The following RGPD2 variants were observed in gnomAD, a reference collection of about 807,000 sequenced individuals.
RGPD2 encodes RANBP2 like and GRIP domain containing 2.
RGPD2 carries 2 observed loss-of-function variants against 36.0 expected under a neutral mutation model. The observed-to-expected ratio is 0.06, with a 90% CI of 0.02 to 0.17. The LOEUF (loss-of-function observed/expected upper bound fraction) is 0.17. Ranked by LOEUF, RGPD2 falls within the 10% of genes least tolerant of loss-of-function variation. The pLI, the probability that RGPD2 is intolerant of heterozygous loss-of-function variation, is 1.00. For missense variants in RGPD2, 40 were observed against 464.3 expected, an observed-to-expected ratio of 0.09 and a Z score of 8.40; for synonymous variants, 19 against 163.8, an observed-to-expected ratio of 0.12 and a Z score of 6.75.
chr2:87,925,863 C>T, the RGPD2 span, among the ~76,000 whole-genome samples: 4 of 127,528 alleles, frequency 3.1e-5, no homozygotes, highest in East Asian at 2.4e-4. Flanking sequence ...GTTTTTTTTT[C>T]TTGTAAATAT....
At chr2:87,970,244 ACCT>A in the RGPD2 span, among the ~76,000 whole-genome samples, 2 of 151,970 alleles carry the variant, frequency 1.3e-5, no homozygotes, top group Non-Finnish European at 2.9e-5. Context: ...GAGGAGGAAA[ACCT>A]CCAAAAGTTC....
At chr2:87,878,187 T>G in the RGPD2 span, among the ~76,000 whole-genome samples, 2 of 152,274 alleles carry the variant, frequency 1.3e-5, no homozygotes, top group African/African-American at 4.8e-5. Flanking sequence ...TTGGTCTCTT[T>G]ACATAACCCC....
At chr2:87,987,938 T>A in the RGPD2 span, among the ~76,000 whole-genome samples, 1 of 130,428 alleles carries the variant, frequency 7.7e-6, no homozygotes, top group African/African-American at 2.8e-5. Context: ...TTTTATATAT[T>A]TTGCTTAGGC....
the RGPD2 span, among the ~76,000 whole-genome samples, chr2:87,961,395 C>G: frequency 5.3e-5 from 8 of 151,782 alleles, no homozygotes; most frequent in Non-Finnish European, 7.4e-5. Flanking sequence ...TTGGCAGCAC[C>G]CTGTGCTCTG....
chr2:87,827,505 G>A (rs534184060), upstream of RGPD2, among the ~76,000 whole-genome samples: 1 of 138,092 alleles, frequency 7.2e-6, no homozygotes, highest in Non-Finnish European at 1.6e-5. Context: ...TAGGGTTACT[G>A]AGAAATTAAA....
chr2:87,878,978 C>T, the RGPD2 span, among the ~76,000 whole-genome samples: 2 of 152,036 alleles, frequency 1.3e-5, no homozygotes, highest in Non-Finnish European at 2.9e-5. Context: ...TTAAAATGCC[C>T]ATAGTTGGAC....
chr2:87,897,008 A>G, the RGPD2 span, among the ~76,000 whole-genome samples: 2 of 152,286 alleles, frequency 1.3e-5, no homozygotes, highest in Non-Finnish European at 2.9e-5. Flanking sequence ...TTGTGCATTT[A>G]CAAAACACAA....
the RGPD2 span, among the ~76,000 whole-genome samples, chr2:87,915,556 G>GTA: frequency 1.1e-4 from 15 of 140,014 alleles, no homozygotes; most frequent in East Asian, 2.7e-3. Context: ...ATGTGTATGT[G>GTA]TATATATATA....
the RGPD2 span, among the ~76,000 whole-genome samples, chr2:87,864,069 T>C: frequency 6.6e-6 from 1 of 152,056 alleles, no homozygotes; most frequent in Non-Finnish European, 1.5e-5. Flanking sequence ...ATTTAATGTG[T>C]TGACCTGGAC....
the RGPD2 span, among the ~76,000 whole-genome samples, chr2:87,873,072 A>G: frequency 3.3e-5 from 5 of 152,244 alleles, no homozygotes; most frequent in South Asian, 2.1e-4. Flanking sequence ...GCTCCCACTT[A>G]TAAGTGAGAA....
intron 1 of RGPD2, among the ~76,000 whole-genome samples, chr2:87,824,729 CCG>C (rs1686559096): frequency 5.1e-5 from 6 of 117,604 alleles, no homozygotes; most frequent in Non-Finnish European, 4.0e-5. Flanking sequence ...CCGCCGCCGC[CCG>C]GCCAGGCCGA....
At chr2:87,974,788 T>C in the RGPD2 span, among the ~76,000 whole-genome samples, 2 of 152,326 alleles carry the variant, frequency 1.3e-5, no homozygotes, top group African/African-American at 4.8e-5. Flanking sequence ...ATCCTACTGG[T>C]TCTAACACCA....
chr2:87,921,054 CACTCCCTAATGGG>C, the RGPD2 span, among the ~76,000 whole-genome samples: 1 of 150,092 alleles, frequency 6.7e-6, no homozygotes, highest in Admixed American at 6.7e-5. Context: ...GTTAGAAAGC[CACTCCCTAATGGG>C]ACAATGTGCC....
the RGPD2 span, among the ~76,000 whole-genome samples, chr2:87,841,552 G>T: frequency 6.6e-6 from 1 of 152,096 alleles, no homozygotes; most frequent in Non-Finnish European, 1.5e-5. Flanking sequence ...TCTATTCAGA[G>T]AGTCAACTTC....
chr2:87,917,878 T>C, the RGPD2 span, among the ~76,000 whole-genome samples: 1 of 124,444 alleles, frequency 8.0e-6, no homozygotes, highest in Non-Finnish European at 1.7e-5. Context: ...TCCTGTGGTA[T>C]TGAACATAAA....
chr2:87,871,639 G>A, the RGPD2 span, among the ~76,000 whole-genome samples: 1 of 152,004 alleles, frequency 6.6e-6, no homozygotes, highest in African/African-American at 2.4e-5. Flanking sequence ...GCCAAAGTGG[G>A]CAGATTACCC....
At chr2:87,833,044 C>T in the RGPD2 span, among the ~76,000 whole-genome samples, 45 of 152,040 alleles carry the variant, frequency 3.0e-4, no homozygotes, top group East Asian at 2.9e-3. Flanking sequence ...TAATGATCAA[C>T]GCAACTAGTC....
chr2:87,966,218 C>A, the RGPD2 span, among the ~76,000 whole-genome samples: 1 of 152,226 alleles, frequency 6.6e-6, no homozygotes, highest in East Asian at 1.9e-4. Context: ...GTCTCCAGAG[C>A]TGTATATGCC....
At chr2:87,864,598 A>AT in the RGPD2 span, among the ~76,000 whole-genome samples, 1 of 152,090 alleles carries the variant, frequency 6.6e-6, no homozygotes, top group Non-Finnish European at 1.5e-5. Context: ...AGATAGATAG[A>AT]TAGATAGATA....
Sources: allele counts gnomAD v4.1 joint callset (sites outside exome capture counted in the v4.1 genomes callset), GRCh38; gene constraint gnomAD v4.1.1; transcripts MANE v1.5; gene names NCBI Gene and HGNC (gene_info 2026-07-23, HGNC 2026-07-21).